The following RAPGEF4 variants were observed in gnomAD, a reference collection of about 807,000 sequenced individuals.
RAPGEF4 encodes the protein Rap guanine nucleotide exchange factor 4.
In RAPGEF4, 66 loss-of-function variants were observed where a neutral mutation model predicts 147.9. The observed-to-expected ratio is 0.45, with a 90% confidence interval of 0.37 to 0.55. The LOEUF is 0.55. RAPGEF4 is among the 20% of genes least tolerant of loss of function. RAPGEF4 has a pLI of 0.00. For synonymous variants in RAPGEF4, 419 were observed against 442.7 expected, an observed-to-expected ratio of 0.95 and a Z score of 0.67; for missense variants, 1,071 against 1,257.3, an observed-to-expected ratio of 0.85 and a Z score of 2.24.
At chr2:172,986,283 G>A (rs1001503253) in intron 12 of RAPGEF4, among the ~76,000 whole-genome samples, 5 of 152,206 alleles carry the variant, frequency 3.3e-5, no homozygotes, top group Non-Finnish European at 7.3e-5. Flanking sequence ...GATACTTCCT[G>A]AGCCTAATGA....
At chr2:173,014,736 T>A in intron 18 of RAPGEF4, 122 bp downstream of exon 18, 1 of 953,796 alleles carries the variant, frequency 1.0e-6, no homozygotes, top group Non-Finnish European at 1.5e-6. Context: ...GTGAACACAT[T>A]CATTCATCAG....
At chr2:172,827,631 GCTT>G (rs1689811957) in intron 4 of RAPGEF4, among the ~76,000 whole-genome samples, 1 of 152,116 alleles carries the variant, frequency 6.6e-6, no homozygotes. Flanking sequence ...TCCTGGCCTT[GCTT>G]CTTGCCAGTT....
chr2:172,814,346 C>G lies in RAPGEF4; in HGVS notation c.365C>G (p.Pro122Arg). Reference protein sequence around the residue: ...AFGESILDNTPRHATIVTRES... With the variant: ...AFGESILDNTRRHATIVTRES... ...GGAGAGTCCATTCTGGACAACACACCCCGCCATGCAACCATCGTTACCAGG... is the reference window on the plus strand; with the variant it reads ...GGAGAGTCCATTCTGGACAACACACGCCGCCATGCAACCATCGTTACCAGG... The change falls in exon 4 of 31, where the codon CCC becomes CGC. Residue 122 changes from proline (P) to arginine (R), a missense_variant. Transcript: ENST00000397081. 6.2e-7 allele frequency: 1 copy of G among 1,614,130 alleles called. No homozygotes were observed. Among genetic ancestry groups the G allele is most frequent in the Non-Finnish European group, 8.5e-7 (1 of 1,180,008 alleles).
intron 3 of RAPGEF4, among the ~76,000 whole-genome samples, chr2:172,797,900 G>C (rs1490150884): frequency 6.6e-6 from 1 of 152,192 alleles, no homozygotes; most frequent in South Asian, 2.1e-4. Context: ...AGCAATTTCA[G>C]TGTGACACAA....
chr2:172,735,652 G>T (rs1693676656), upstream of RAPGEF4, among the ~76,000 whole-genome samples: 1 of 151,874 alleles, frequency 6.6e-6, no homozygotes, highest in Non-Finnish European at 1.5e-5. Context: ...GCCGGCCACC[G>T]GGGTCGCCAC....
intron 8 of RAPGEF4, among the ~76,000 whole-genome samples, chr2:172,963,992 T>G (rs953702804): frequency 6.6e-6 from 1 of 152,258 alleles, no homozygotes; most frequent in Non-Finnish European, 1.5e-5. Flanking sequence ...TTGTAAGGAC[T>G]CATCAGACGC....
chr2:172,763,861 A>G (rs1343086745), intron 1 of RAPGEF4, among the ~76,000 whole-genome samples: 2 of 152,178 alleles, frequency 1.3e-5, no homozygotes, highest in African/African-American at 4.8e-5. Context: ...TTGTAAATGT[A>G]TACATATTCA....
intron 6 of RAPGEF4, among the ~76,000 whole-genome samples, chr2:172,926,061 G>GGGAGGGAGGGAGGGAGGGAGGGAGGGAA (rs1685328823): frequency 8.5e-6 from 1 of 117,718 alleles, no homozygotes; most frequent in Non-Finnish European, 1.8e-5. Context: ...GAGGGAGGGA[G>GGGAGGGAGGGAGGGAGGGAGGGAGGGAA]GGAAGTCAGG....
At chr2:172,892,600 C>A (rs1698051440) in intron 4 of RAPGEF4, among the ~76,000 whole-genome samples, 1 of 152,256 alleles carries the variant, frequency 6.6e-6, no homozygotes, top group African/African-American at 2.4e-5. Flanking sequence ...GGATTGCAGT[C>A]TGCAGATATG....
intron 6 of RAPGEF4, among the ~76,000 whole-genome samples, chr2:172,943,432 G>A (rs1687368250): frequency 1.3e-5 from 2 of 152,202 alleles, no homozygotes; most frequent in Admixed American, 1.3e-4. Flanking sequence ...TTCCTCATCT[G>A]TGAAATGGGA....
At chr2:172,981,287 G>A (rs1361915174) in intron 10 of RAPGEF4, among the ~76,000 whole-genome samples, 5 of 152,186 alleles carry the variant, frequency 3.3e-5, no homozygotes, top group East Asian at 1.9e-4. Flanking sequence ...ATCCTATTAC[G>A]CCTACCTTGA....
intron 4 of RAPGEF4, among the ~76,000 whole-genome samples, chr2:172,815,697 A>G (rs929519516): frequency 1.3e-5 from 2 of 152,108 alleles, no homozygotes; most frequent in African/African-American, 4.8e-5. Flanking sequence ...ATGATTTCTA[A>G]CTGTGATGTG....
intron 4 of RAPGEF4, among the ~76,000 whole-genome samples, chr2:172,902,520 C>T (rs1180101326): frequency 6.6e-6 from 1 of 152,114 alleles, no homozygotes; most frequent in African/African-American, 2.4e-5. Flanking sequence ...CCAGGCTGGT[C>T]TCGATGCCTG....
At chr2:172,798,164 G>A (rs1686579375) in intron 3 of RAPGEF4, among the ~76,000 whole-genome samples, 1 of 151,748 alleles carries the variant, frequency 6.6e-6, no homozygotes, top group Admixed American at 6.6e-5. Flanking sequence ...TACAGCACTG[G>A]CTTTATTTTC....
At chr2:172,989,901 A>G (rs1299128103) in intron 14 of RAPGEF4, among the ~76,000 whole-genome samples, 1 of 151,904 alleles carries the variant, frequency 6.6e-6, no homozygotes, top group Non-Finnish European at 1.5e-5. Context: ...ATGATTTACA[A>G]TGTCATGCTC....
intron 4 of RAPGEF4, among the ~76,000 whole-genome samples, chr2:172,841,662 AC>A (rs528641446): frequency 1.9e-4 from 29 of 152,304 alleles, no homozygotes; most frequent in African/African-American, 6.3e-4. Context: ...TTCTCATTAC[AC>A]TTGAGTAATT....
chr2:173,001,190 A>G, intron 16 of RAPGEF4, 76 bp from the exon 17 acceptor site: 2 of 1,595,258 alleles, frequency 1.3e-6, no homozygotes, highest in South Asian at 1.1e-5. Context: ...ACTAAGAACA[A>G]GTGAATGGAT....
intron 2 of RAPGEF4, 100 bp from the exon 3 acceptor site, chr2:172,797,425 G>T: frequency 1.1e-6 from 1 of 887,948 alleles, no homozygotes; most frequent in Non-Finnish European, 1.8e-6. Context: ...GGTAAGCTCA[G>T]TTAGGTCCAA....
intron 11 of RAPGEF4, among the ~76,000 whole-genome samples, chr2:172,984,124 C>T (rs1691983946): frequency 6.6e-6 from 1 of 152,104 alleles, no homozygotes; most frequent in Non-Finnish European, 1.5e-5. Context: ...TGAACTTTTA[C>T]CTGATTAGAG....
Sources: allele counts gnomAD v4.1 joint callset (sites outside exome capture counted in the v4.1 genomes callset), GRCh38; gene constraint gnomAD v4.1.1; transcripts MANE v1.5; gene names NCBI Gene and HGNC (gene_info 2026-07-23, HGNC 2026-07-21).